The following PTPRM variants were observed in gnomAD, a reference collection of about 807,000 sequenced individuals.
PTPRM encodes receptor-type tyrosine-protein phosphatase mu.
PTPRM carries 47 observed loss-of-function variants against 186.7 expected under a neutral mutation model. The observed-to-expected ratio is 0.25, with a 90% confidence interval of 0.20 to 0.32. The LOEUF (loss-of-function observed/expected upper bound fraction) is 0.32, where lower values mean the gene tolerates loss of function less well. Among genes scored for constraint, PTPRM ranks in the 10% least tolerant of loss-of-function variants. The pLI, the probability that PTPRM is intolerant of heterozygous loss-of-function variation, is 1.00. For missense variants in PTPRM, 1,494 were observed against 1,865.0 expected (o/e 0.80, Z 3.66); for synonymous variants, 668 against 674.9 (o/e 0.99, Z 0.16).
At chr18:7,773,044 C>T (rs899318167) in intron 1 of PTPRM, among the ~76,000 whole-genome samples, 4 of 151,868 alleles carry the variant, frequency 2.6e-5, no homozygotes, top group African/African-American at 7.3e-5. Flanking sequence ...AAATCATCAA[C>T]GTGCTGAATG....
At chr18:7,767,573 G>A (rs569028488) in intron 1 of PTPRM, among the ~76,000 whole-genome samples, 1 of 151,882 alleles carries the variant, frequency 6.6e-6, no homozygotes, top group South Asian at 2.1e-4. Flanking sequence ...TACTACTCTT[G>A]GATCAACTGA....
chr18:7,794,352 A>T (rs2043495515), intron 2 of PTPRM, among the ~76,000 whole-genome samples: 1 of 152,130 alleles, frequency 6.6e-6, no homozygotes, highest in African/African-American at 2.4e-5. Flanking sequence ...AGCCCCTCAC[A>T]CTGCCTGTCT....
intron 4 of PTPRM, among the ~76,000 whole-genome samples, chr18:7,924,222 G>A (rs2051038442): frequency 6.6e-6 from 1 of 152,176 alleles, no homozygotes; most frequent in South Asian, 2.1e-4. Flanking sequence ...CCCACACAGT[G>A]GTGGTGATTA....
At chr18:7,713,853 C>T (rs1478571926) in intron 1 of PTPRM, among the ~76,000 whole-genome samples, 1 of 152,100 alleles carries the variant, frequency 6.6e-6, no homozygotes, top group Non-Finnish European at 1.5e-5. Flanking sequence ...GCACCCAATA[C>T]AGGAGCACCC....
intron 21 of PTPRM, among the ~76,000 whole-genome samples, chr18:8,317,551 A>C (rs575987384): frequency 6.6e-6 from 1 of 152,292 alleles, no homozygotes; most frequent in Non-Finnish European, 1.5e-5. Context: ...GCTCACTCAG[A>C]GAATGAGAGC....
intron 2 of PTPRM, among the ~76,000 whole-genome samples, chr18:7,869,249 C>G (rs773687057): frequency 1.3e-5 from 2 of 152,140 alleles, no homozygotes; most frequent in Non-Finnish European, 2.9e-5. Flanking sequence ...GGGTATGAAA[C>G]AAAACTCCTG....
intron 2 of PTPRM, among the ~76,000 whole-genome samples, chr18:7,883,124 C>T (rs2048591084): frequency 6.6e-6 from 1 of 152,164 alleles, no homozygotes; most frequent in South Asian, 2.1e-4. Context: ...ATATTTTCTA[C>T]TTATATACTA....
At chr18:8,142,846 T>A (rs2092796216) in intron 13 of PTPRM, among the ~76,000 whole-genome samples, 1 of 152,226 alleles carries the variant, frequency 6.6e-6, no homozygotes. Flanking sequence ...TCATCCTGAA[T>A]GCACTTAGCA....
At chr18:8,342,198 G>A (rs190502190) in intron 22 of PTPRM, among the ~76,000 whole-genome samples, 1 of 152,324 alleles carries the variant, frequency 6.6e-6, no homozygotes, top group Admixed American at 6.5e-5. Context: ...CCCCTTGGGT[G>A]TGTCACTATT....
chr18:8,053,133 A>C (rs1468602887), intron 7 of PTPRM, among the ~76,000 whole-genome samples: 2 of 151,772 alleles, frequency 1.3e-5, no homozygotes, highest in Non-Finnish European at 2.9e-5. Context: ...TCTACTAAAT[A>C]CCTCTTTATA....
intron 7 of PTPRM, among the ~76,000 whole-genome samples, chr18:8,001,640 T>C (rs2147773963): frequency 6.6e-6 from 1 of 152,298 alleles, no homozygotes. Context: ...AATTGTGAAG[T>C]GATTCCAAGA....
At chr18:7,837,138 T>G (rs2046090639) in intron 2 of PTPRM, among the ~76,000 whole-genome samples, 1 of 152,182 alleles carries the variant, frequency 6.6e-6, no homozygotes, top group African/African-American at 2.4e-5. Flanking sequence ...GTCCAATAAC[T>G]CTTAGATTTG....
chr18:7,984,602 T>TATATATATAC lies in PTPRM; in HGVS notation c.1132+29189_1132+29190insTATATATACA, dbSNP rs1214502563. ...ATATATATATATATATATATATATA[T>TATATATATAC]ACACACACACACACACACACACACA... On this transcript the variant is annotated intron_variant, in intron 7 of 32. Coordinates refer to ENST00000580170, the MANE Select transcript of PTPRM (RefSeq NM_001105244.2). 2.2e-3 allele frequency among the ~76,000 whole-genome samples: 192 copies of TATATATATAC among 87,100 alleles called. 1 individual carries two copies. Among genetic ancestry groups the TATATATATAC allele is most frequent in the Admixed American group, 2.3e-3 (16 of 7,046 alleles). The allele number at this position is 87,100 out of a possible 152,430, so 57.1% of individuals were successfully genotyped here. A position where few individuals can be genotyped will look rare whatever the true frequency, so the allele number is the denominator to read the frequency against.
chr18:7,780,917 G>A (rs1284126269), intron 2 of PTPRM, among the ~76,000 whole-genome samples: 1 of 152,100 alleles, frequency 6.6e-6, no homozygotes, highest in Non-Finnish European at 1.5e-5. Context: ...TGCTCTGCTG[G>A]AGCTAGGGGT....
Position 7,696,345 on chromosome 18 carries a change from A to G in PTPRM, c.74-77804A>G, listed in dbSNP as rs374151136. Among the ~76,000 whole-genome samples the G allele has an allele frequency of 3.3e-5, 5 of 152,208 alleles. 1 individual carries two copies. The highest frequency in any genetic ancestry group is 2.0e-4 in the Admixed American group (3 of 15,280). ...TAACAATGTGTTTAAATCTTAGTGC[A>G]TGACATCTAAATTTGAATTTTCGTA... On this transcript the variant is annotated intron_variant, in intron 1 of 32. Transcript: ENST00000580170.
chr18:8,057,189 G>T (rs1347800963), intron 7 of PTPRM, among the ~76,000 whole-genome samples: 1 of 151,038 alleles, frequency 6.6e-6, no homozygotes, highest in East Asian at 1.9e-4. Flanking sequence ...GTAGGAAGGT[G>T]GCAAAATTTT....
intron 3 of PTPRM, among the ~76,000 whole-genome samples, chr18:7,904,695 G>A (rs1246735157): frequency 6.6e-6 from 1 of 152,082 alleles, no homozygotes; most frequent in Non-Finnish European, 1.5e-5. Flanking sequence ...CTGTTGTTTG[G>A]CTATTATGTA....
At chr18:8,331,917 G>A (rs1004861424) in intron 22 of PTPRM, among the ~76,000 whole-genome samples, 1 of 152,190 alleles carries the variant, frequency 6.6e-6, no homozygotes, top group Non-Finnish European at 1.5e-5. Flanking sequence ...TCCACGTCTT[G>A]GTGTTCTGAA....
intron 7 of PTPRM, among the ~76,000 whole-genome samples, chr18:8,048,388 T>C (rs1036622512): frequency 2.0e-5 from 3 of 152,092 alleles, no homozygotes; most frequent in Admixed American, 6.5e-5. Flanking sequence ...GGTTCATTTT[T>C]TCCATAGCAT....
Sources: gnomAD v4.1 joint callset for allele counts (sites outside exome capture counted in the v4.1 genomes callset) on GRCh38, gnomAD v4.1.1 for gene constraint, MANE v1.5 for transcripts, NCBI Gene and HGNC (gene_info 2026-07-23, HGNC 2026-07-21) for gene names.